Variants in TANK observed in about 807,000 individuals in gnomAD.
The protein encoded by TANK is TRAF family member associated NFKB activator.
A neutral mutation model predicts 43.6 loss-of-function variants in TANK; 15 were observed. The ratio of observed to expected loss-of-function variants is 0.34; its 90% CI spans 0.23 to 0.53. TANK has a LOEUF of 0.53. TANK is among the 20% of genes least tolerant of loss of function. The pLI is 0.94. For missense variants in TANK, 417 were observed against 498.6 expected, an observed-to-expected ratio of 0.84 and a Z score of 1.56; for synonymous variants, 162 against 178.2, an observed-to-expected ratio of 0.91 and a Z score of 0.73.
At chr2:161,194,633 T>G (rs1459470571) in intron 2 of TANK, among the ~76,000 whole-genome samples, 1 of 152,194 alleles carries the variant, frequency 6.6e-6, no homozygotes, top group African/African-American at 2.4e-5. Flanking sequence ...AGGACCGTTT[T>G]GTTGTCAGAT....
At chr2:161,137,141 ATG>A in intron 1 of TANK, 1 of 985,432 alleles carries the variant, frequency 1.0e-6, no homozygotes. Flanking sequence ...AGTGTTGCAG[ATG>A]TGTTACCCTC....
chr2:161,233,676 G>C (rs897260474), intron 7 of TANK, among the ~76,000 whole-genome samples: 1 of 151,994 alleles, frequency 6.6e-6, no homozygotes, highest in African/African-American at 2.4e-5. Flanking sequence ...GTTCTTAATA[G>C]AGAAAAATGA....
At position 161,167,683 on chromosome 2, in the gene TANK, C is replaced by T. The variant is rs575259408; in HGVS notation, c.-50+7197C>T. On this transcript the variant is annotated intron_variant, in intron 1 of 7. Transcript: ENST00000392749. Reference sequence around the variant, plus strand: ...TGTCACCCAGGCTGGAGTGCAGTGGCGCGATCTTGTCTCACTGCAAGCTCC... The same window carrying T: ...TGTCACCCAGGCTGGAGTGCAGTGGTGCGATCTTGTCTCACTGCAAGCTCC... Among the ~76,000 whole-genome samples the T allele has an allele frequency of 3.4e-4, 52 of 152,042 alleles. 1 individual carries two copies. In the South Asian group the frequency reaches 9.8e-3, roughly 29 times the overall value.
At chr2:161,184,999 G>C (rs1558981709) in intron 2 of TANK, among the ~76,000 whole-genome samples, 1 of 152,290 alleles carries the variant, frequency 6.6e-6, no homozygotes, top group East Asian at 1.9e-4. Context: ...ACAGAAGTGG[G>C]AGATGGAGAA....
At chr2:161,226,319 A>G (rs1687612733) in intron 6 of TANK, among the ~76,000 whole-genome samples, 1 of 152,144 alleles carries the variant, frequency 6.6e-6, no homozygotes, top group African/African-American at 2.4e-5. Context: ...TATGCTTTAT[A>G]TTAACAGTGT....
chr2:161,155,614 C>T (rs1238629471), upstream of TANK, among the ~76,000 whole-genome samples: 2 of 152,174 alleles, frequency 1.3e-5, no homozygotes, highest in African/African-American at 2.4e-5. Flanking sequence ...AGATGTTATT[C>T]TATTCAGCTT....
At chr2:161,217,043 G>A (rs1314037310) in intron 4 of TANK, among the ~76,000 whole-genome samples, 1 of 152,190 alleles carries the variant, frequency 6.6e-6, no homozygotes, top group Non-Finnish European at 1.5e-5. Context: ...GCCCAGGAGT[G>A]CATTCATTGG....
chr2:161,212,752 C>T (rs1277655761), intron 4 of TANK: 4 of 985,222 alleles, frequency 4.1e-6, no homozygotes. Flanking sequence ...CTATCCAGCC[C>T]TGATTTCTCT....
intron 4 of TANK, among the ~76,000 whole-genome samples, chr2:161,218,717 T>G (rs1271801985): frequency 6.6e-6 from 1 of 152,206 alleles, no homozygotes; most frequent in Non-Finnish European, 1.5e-5. Context: ...GCAAATTGCT[T>G]AAATAATAGC....
intron 2 of TANK, among the ~76,000 whole-genome samples, chr2:161,182,881 T>A (rs1268919428): frequency 1.3e-5 from 2 of 152,212 alleles, no homozygotes; most frequent in African/African-American, 4.8e-5. Context: ...TGATAACCCA[T>A]AGTCATATTA....
At chr2:161,148,174 T>A (rs1683970702) in intron 1 of TANK, among the ~76,000 whole-genome samples, 1 of 152,196 alleles carries the variant, frequency 6.6e-6, no homozygotes, top group Non-Finnish European at 1.5e-5. Flanking sequence ...TTCCACATCC[T>A]CCTCCACACT....
At chr2:161,167,265 T>C (rs1684725623) in intron 1 of TANK, among the ~76,000 whole-genome samples, 1 of 152,204 alleles carries the variant, frequency 6.6e-6, no homozygotes, top group South Asian at 2.1e-4. Flanking sequence ...TTCCAATGTA[T>C]ATATACATAA....
chr2:161,161,107 A>C, intron 1 of TANK: 89 of 985,474 alleles, frequency 9.0e-5, no homozygotes, highest in Non-Finnish European at 1.1e-4. Flanking sequence ...GGCGTTAGGT[A>C]GAGTCCTCAC....
chr2:161,222,973 C>A lies in TANK; in HGVS notation c.328-942C>A, dbSNP rs1005926189. 70 of 151,936 alleles carry A rather than the reference C, an allele frequency of 4.6e-4. 1 individual carries two copies. The highest frequency in any genetic ancestry group is 4.4e-5 in the Non-Finnish European group (3 of 67,864). The allele number at this position is 151,936 out of a possible 1,614,324, so 9.4% of individuals were successfully genotyped here. A position where few individuals can be genotyped will look rare whatever the true frequency, so the allele number is the denominator to read the frequency against. On this transcript the variant is annotated intron_variant, in intron 4 of 7. Transcript: ENST00000392749. ...AGACTCTGAAGAAATTGAAAGAAAT[C>A]TTTTGAAAAGCAAGAGTGAAGTACT...
At chr2:161,164,112 T>C (rs971822478) in intron 1 of TANK, among the ~76,000 whole-genome samples, 2 of 152,298 alleles carry the variant, frequency 1.3e-5, no homozygotes, top group African/African-American at 4.8e-5. Flanking sequence ...GCAAAAATAA[T>C]TGGGGAGTTG....
chr2:161,147,973 T>C (rs899265057), intron 1 of TANK, among the ~76,000 whole-genome samples: 2 of 152,236 alleles, frequency 1.3e-5, no homozygotes, highest in Non-Finnish European at 1.5e-5. Flanking sequence ...TAAATCATGC[T>C]GTTATGAACA....
intron 4 of TANK, among the ~76,000 whole-genome samples, chr2:161,213,344 T>G (rs2105363012): frequency 6.6e-6 from 1 of 152,332 alleles, no homozygotes; most frequent in East Asian, 1.9e-4. Context: ...GGCTCACGCC[T>G]GTAATCTCAA....
intron 1 of TANK, among the ~76,000 whole-genome samples, chr2:161,173,482 C>G (rs538180322): frequency 4.0e-4 from 61 of 152,052 alleles, no homozygotes; most frequent in Non-Finnish European, 7.4e-4. Context: ...TTCTATTGAG[C>G]CTTTATCTTG....
chr2:161,179,502 C>A, intron 1 of TANK, 112 bp from the exon 2 acceptor site: 1 of 873,852 alleles, frequency 1.1e-6, no homozygotes, highest in South Asian at 2.8e-5. Flanking sequence ...GTTTATAGTA[C>A]TTGGTGGTAT....
Sources: allele counts gnomAD v4.1 joint callset (sites outside exome capture counted in the v4.1 genomes callset), GRCh38; gene constraint gnomAD v4.1.1; transcripts MANE v1.5; gene names NCBI Gene and HGNC (gene_info 2026-07-23, HGNC 2026-07-21).